Variants in ABLIM1 observed in about 807,000 individuals in gnomAD.
The protein encoded by ABLIM1 is actin binding LIM protein 1.
Under a neutral mutation model 107.0 loss-of-function variants are expected in ABLIM1, and 40 were observed. The observed-to-expected ratio is 0.37, with a 90% confidence interval of 0.29 to 0.49. The LOEUF (loss-of-function observed/expected upper bound fraction) is 0.49. Among genes scored for constraint, ABLIM1 ranks in the 20% least tolerant of loss-of-function variants. The probability of loss-of-function intolerance (pLI) is 0.97; values close to 1 mark genes in which losing one functional copy is unlikely to be tolerated. For missense variants in ABLIM1, 857 were observed against 1,008.5 expected, an observed-to-expected ratio of 0.85 and a Z score of 2.04; for synonymous variants, 357 against 357.3, an observed-to-expected ratio of 1.00 and a Z score of 0.01.
chr10:114,453,538 A>G (rs1206687038), intron 12 of ABLIM1, 55 bp from the exon 13 acceptor site: 10 of 1,394,774 alleles, frequency 7.2e-6, no homozygotes, highest in African/African-American at 4.4e-5. Flanking sequence ...AGAAACAAAG[A>G]AAACAAAGCA....
At position 114,547,561 on chromosome 10, in the gene ABLIM1, T is replaced by G. The variant is rs1037568523; in HGVS notation, c.800+89A>C. 3 of 1,543,118 alleles carry G rather than the reference T, an allele frequency of 1.9e-6. No homozygotes were observed. The African/African-American group carries it at 4.1e-5, about 21-fold the overall frequency. Reference sequence around the variant, plus strand: ...ATGTGAACAATTTCAGCACCATTGATGGGGTGGGGCCCCTGAGACCAGGAC... The same window carrying G: ...ATGTGAACAATTTCAGCACCATTGAGGGGGTGGGGCCCCTGAGACCAGGAC... On this transcript the variant is annotated intron_variant, in intron 5 of 22. Transcript: ENST00000533213.
chr10:114,575,087 C>T (rs2072321394), intron 3 of ABLIM1, among the ~76,000 whole-genome samples: 1 of 152,194 alleles, frequency 6.6e-6, no homozygotes, highest in African/African-American at 2.4e-5. Context: ...GGAATTTATA[C>T]TTCCAAATAA....
upstream of ABLIM1, among the ~76,000 whole-genome samples, chr10:114,688,061 A>C (rs149247071): frequency 3.9e-3 from 601 of 152,272 alleles, 5 homozygotes; most frequent in African/African-American, 0.014. Context: ...GTTGAAAGTA[A>C]TGGCAAAAAA....
rs779172571 is a variant in ABLIM1 at position 114,657,987 on chromosome 10, C to CA, written c.213dup (p.Gly72TrpfsTer5). The CA allele has an allele frequency of 6.2e-7, 1 of 1,613,952 alleles. No homozygotes were observed. Among genetic ancestry groups the CA allele is most frequent in the South Asian group, 1.1e-5 (1 of 91,042 alleles). On this transcript the variant is annotated frameshift_variant, in exon 1 of 23. Coordinates refer to ENST00000533213, the MANE Select transcript of ABLIM1 (RefSeq NM_002313.7). LOFTEE classifies it high-confidence loss of function. Reference sequence around the variant, plus strand: ...GGATCAACGCTGTTACATACACGCCCACGTGGGCAGTAGTCCTTGGGACAG... The same window carrying CA: ...GGATCAACGCTGTTACATACACGCCCAACGTGGGCAGTAGTCCTTGGGACAG...
chr10:114,545,128 AG>A (rs760497732), intron 5 of ABLIM1, 30 bp from the exon 6 acceptor site: 1 of 1,606,974 alleles, frequency 6.2e-7, no homozygotes, highest in Admixed American at 1.7e-5. Flanking sequence ...TCGGCTCCTG[AG>A]GAGGTGGCCA....
chr10:114,729,940 C>T (rs1000282695), intron 1 of ABLIM1, among the ~76,000 whole-genome samples: 1 of 152,134 alleles, frequency 6.6e-6, no homozygotes, highest in Admixed American at 6.5e-5. Context: ...AATAAGTCAA[C>T]CTAATTCAGT....
chr10:114,661,839 A>AG, upstream of ABLIM1, among the ~76,000 whole-genome samples: 1 of 152,268 alleles, frequency 6.6e-6, no homozygotes, highest in South Asian at 2.1e-4. Flanking sequence ...AAATTCACCA[A>AG]GGGGCACTGA....
intron 1 of ABLIM1, among the ~76,000 whole-genome samples, chr10:114,710,825 A>G (rs764279838): frequency 1.3e-5 from 2 of 152,214 alleles, no homozygotes; most frequent in Non-Finnish European, 2.9e-5. Flanking sequence ...CAGAACACAT[A>G]TTTTGGCTTT....
At chr10:114,503,781 T>G (rs868098552) in intron 6 of ABLIM1, among the ~76,000 whole-genome samples, 13 of 152,194 alleles carry the variant, frequency 8.5e-5, no homozygotes, top group Non-Finnish European at 1.8e-4. Context: ...TGAATGATCT[T>G]TATAAAATGG....
chr10:114,530,578 G>C (rs1042815312), intron 6 of ABLIM1, among the ~76,000 whole-genome samples: 4 of 152,026 alleles, frequency 2.6e-5, no homozygotes, highest in African/African-American at 9.7e-5. Context: ...CTGTCATCTA[G>C]GCTGGAGTGC....
rs116159757 is a variant in ABLIM1, at chr10:114,680,442, T to C, written c.64+3848A>G. On this transcript the variant is annotated intron_variant, in intron 1 of 23. Coordinates refer to the ABLIM1 transcript ENST00000369256. The stretch of plus-strand genomic sequence containing the variant: ...AGCATGCTTTCCTTCTACAAGTCCA[T>C]AGTTATGCATTTATATTTGTTAAAA... Among the ~76,000 whole-genome samples the C allele has an allele frequency of 9.4e-3, 1,433 of 152,306 alleles. 25 individuals are homozygous for C. The highest frequency in any genetic ancestry group is 0.033 in the African/African-American group (1,380 of 41,580).
chr10:114,586,221 A>C (rs1175318613), intron 2 of ABLIM1, among the ~76,000 whole-genome samples: 3 of 151,708 alleles, frequency 2.0e-5, no homozygotes, highest in African/African-American at 7.2e-5. Flanking sequence ...CTCTTTCAGC[A>C]ACTGAAATTG....
chr10:114,557,678 T>TTG (rs1431273557), intron 4 of ABLIM1, among the ~76,000 whole-genome samples: 12 of 149,402 alleles, frequency 8.0e-5, no homozygotes, highest in Admixed American at 2.7e-4. Context: ...GGTGTTTTTT[T>TTG]TTTTTTTTTT....
At chr10:114,571,461 C>G (rs2071668954) in intron 3 of ABLIM1, 55 bp from the exon 4 acceptor site, 1 of 1,541,784 alleles carries the variant, frequency 6.5e-7, no homozygotes, top group Non-Finnish European at 9.0e-7. Flanking sequence ...CATTCCTTTT[C>G]CTTATTCCTT....
intron 1 of ABLIM1, among the ~76,000 whole-genome samples, chr10:114,717,989 A>AAG (rs1566269067): frequency 3.5e-5 from 4 of 114,178 alleles, no homozygotes; most frequent in African/African-American, 1.4e-4. Context: ...AAAGAAAGAA[A>AAG]GAAAGGAAGG....
At chr10:114,479,999 A>T (rs2057095616) in intron 8 of ABLIM1, among the ~76,000 whole-genome samples, 1 of 152,152 alleles carries the variant, frequency 6.6e-6, no homozygotes, top group Non-Finnish European at 1.5e-5. Context: ...ACATATATCC[A>T]CTCAGACAGA....
At chr10:114,580,580 T>A (rs542626600) in intron 2 of ABLIM1, among the ~76,000 whole-genome samples, 1 of 152,214 alleles carries the variant, frequency 6.6e-6, no homozygotes, top group Non-Finnish European at 1.5e-5. Context: ...ATAAGTTGAA[T>A]AAATCTTTGA....
intron 10 of ABLIM1, among the ~76,000 whole-genome samples, chr10:114,469,871 C>A (rs958274412): frequency 3.3e-5 from 5 of 152,328 alleles, no homozygotes; most frequent in Middle Eastern, 3.4e-3. Flanking sequence ...GAGAACACAG[C>A]CAGGGGTGGA....
At chr10:114,699,898 A>G (rs889354189) in intron 1 of ABLIM1, among the ~76,000 whole-genome samples, 3 of 152,216 alleles carry the variant, frequency 2.0e-5, no homozygotes, top group Admixed American at 2.0e-4. Context: ...GTGATATTAT[A>G]CCACAGTATT....
Sources: allele counts gnomAD v4.1 joint callset (sites outside exome capture counted in the v4.1 genomes callset), GRCh38; gene constraint gnomAD v4.1.1; transcripts MANE v1.5; gene names NCBI Gene and HGNC (gene_info 2026-07-23, HGNC 2026-07-21).